The following SGCZ variants were observed in gnomAD, a reference collection of about 807,000 sequenced individuals.
SGCZ encodes the protein sarcoglycan zeta, also known as zeta-sarcoglycan.
In SGCZ, 40 loss-of-function variants were observed where a neutral mutation model predicts 41.3. The observed-to-expected ratio is 0.97, with a 90% CI of 0.75 to 1.26. The LOEUF is 1.26. Among genes scored for constraint, SGCZ ranks in the 50% most tolerant of loss-of-function variants. SGCZ has a pLI of 0.00. For synonymous variants in SGCZ, 206 were observed against 137.5 expected, an observed-to-expected ratio of 1.50 and a Z score of -3.49; for missense variants, 552 against 369.8, an observed-to-expected ratio of 1.49 and a Z score of -4.04.
intron 1 of SGCZ, among the ~76,000 whole-genome samples, chr8:15,145,617 C>G (rs1237076409): frequency 6.6e-6 from 1 of 152,130 alleles, no homozygotes; most frequent in Non-Finnish European, 1.5e-5. Flanking sequence ...CAGGTACACA[C>G]CATCTGATTT....
At chr8:14,196,187 C>T (rs2117058328) in intron 4 of SGCZ, among the ~76,000 whole-genome samples, 1 of 151,270 alleles carries the variant, frequency 6.6e-6, no homozygotes, top group Non-Finnish European at 1.5e-5. Context: ...ATATTATGAA[C>T]ATTAAAGCAA....
chr8:15,075,446 G>C (rs1040639201), intron 1 of SGCZ, among the ~76,000 whole-genome samples: 1 of 152,096 alleles, frequency 6.6e-6, no homozygotes, highest in African/African-American at 2.4e-5. Flanking sequence ...GATCACTTTT[G>C]TAAGTATCTT....
chr8:14,506,985 C>T (rs1037482551), intron 2 of SGCZ, among the ~76,000 whole-genome samples: 3 of 152,208 alleles, frequency 2.0e-5, no homozygotes, highest in Admixed American at 6.6e-5. Context: ...CTTATCTCAA[C>T]TCAAATACAT....
At position 14,680,095 on chromosome 8, in the gene SGCZ, T is replaced by C. The variant is rs114086090; in HGVS notation, c.40-125169A>G. On this transcript the variant is annotated intron_variant, in intron 1 of 7. Coordinates refer to ENST00000382080, the MANE Select transcript of SGCZ (RefSeq NM_139167.4). ...TTGTCTAAGTATGTGTTTCTCAGAA[T>C]GTATCTCCACTGTGAAGTCATGCAT... Among the ~76,000 whole-genome samples the C allele has an allele frequency of 6.0e-3, 917 of 152,238 alleles. 11 individuals are homozygous for C. Among genetic ancestry groups the C allele is most frequent in the African/African-American group, 0.019 (808 of 41,548 alleles).
chr8:14,222,145 T>C (rs2117123944), intron 4 of SGCZ, among the ~76,000 whole-genome samples: 1 of 152,174 alleles, frequency 6.6e-6, no homozygotes, highest in Middle Eastern at 3.4e-3. Flanking sequence ...TACTTCAGGT[T>C]TTTGTTGTTG....
intron 4 of SGCZ, among the ~76,000 whole-genome samples, chr8:14,192,298 T>G (rs957124400): frequency 1.9e-4 from 29 of 152,114 alleles, no homozygotes; most frequent in African/African-American, 7.0e-4. Flanking sequence ...ACTGCTGTAT[T>G]TAATGTTAAT....
At position 14,976,096 on chromosome 8, in the gene SGCZ, C is replaced by T. The variant is rs572156979; in HGVS notation, c.39+261489G>A. On this transcript the variant is annotated intron_variant, in intron 1 of 7. Transcript: ENST00000382080. ...GTAGTGCAGTGGCACGATCTTCACT[C>T]ACTGTAACCTCTGCCTCCTGGTTTC... Among the ~76,000 whole-genome samples the T allele has an allele frequency of 2.0e-5, 3 of 151,228 alleles. No homozygotes were observed. The South Asian group carries it at 6.3e-4, about 32-fold the overall frequency.
At chr8:14,516,112 T>TG (rs11389125) in intron 2 of SGCZ, among the ~76,000 whole-genome samples, 13,089 of 52,260 alleles carry the variant, frequency 0.25, 881 homozygotes, top group East Asian at 0.48. Flanking sequence ...GAAACTTCTC[T>TG]TTTTTTTTCT....
chr8:15,234,324 C>CTTTTGAATAA (rs1802053667), intron 1 of SGCZ, among the ~76,000 whole-genome samples: 5 of 152,170 alleles, frequency 3.3e-5, no homozygotes, highest in African/African-American at 1.2e-4. Flanking sequence ...TTCATTAACA[C>CTTTTGAATAA]CCACATTTCC....
In SGCZ at chr8:14,873,664, A is replaced by G. The variant is rs73517312; in HGVS notation, c.40-318738T>C. 7.9e-3 allele frequency among the ~76,000 whole-genome samples: 1,210 copies of G among 152,226 alleles called. 20 individuals are homozygous for G. Among genetic ancestry groups the G allele is most frequent in the African/African-American group, 0.027 (1,132 of 41,566 alleles). On this transcript the variant is annotated intron_variant, in intron 1 of 7. Coordinates refer to ENST00000382080, the MANE Select transcript of SGCZ (RefSeq NM_139167.4). ...CCAAGGCTTGAGTTCAGTCTCCAGCAAGAATAAAGATGAGAATAGGTCAAC... is the reference window on the plus strand; with the variant it reads ...CCAAGGCTTGAGTTCAGTCTCCAGCGAGAATAAAGATGAGAATAGGTCAAC...
chr8:14,826,521 A>G (rs1311385391), intron 1 of SGCZ, among the ~76,000 whole-genome samples: 3 of 152,120 alleles, frequency 2.0e-5, no homozygotes, highest in Non-Finnish European at 4.4e-5. Flanking sequence ...TGACTTCCAC[A>G]ATGGTTGAAC....
chr8:14,710,934 A>G (rs961722590), intron 1 of SGCZ, among the ~76,000 whole-genome samples: 1 of 152,246 alleles, frequency 6.6e-6, no homozygotes, highest in Non-Finnish European at 1.5e-5. Flanking sequence ...ACTAAGAAAT[A>G]GTCACAATAA....
chr8:14,435,049 T>C (rs538897261), intron 2 of SGCZ, among the ~76,000 whole-genome samples: 5 of 152,138 alleles, frequency 3.3e-5, no homozygotes, highest in Non-Finnish European at 7.3e-5. Context: ...CAGAATGCTA[T>C]AATTAGAATG....
chr8:14,141,641 G>A (rs1479598624), intron 5 of SGCZ, among the ~76,000 whole-genome samples: 1 of 152,172 alleles, frequency 6.6e-6, no homozygotes, highest in Non-Finnish European at 1.5e-5. Flanking sequence ...AGTTAGAATG[G>A]CGATCATTAA....
chr8:14,650,962 T>C (rs944666932), intron 1 of SGCZ, among the ~76,000 whole-genome samples: 27 of 152,080 alleles, frequency 1.8e-4, no homozygotes, highest in African/African-American at 6.3e-4. Flanking sequence ...CAGAATGTCT[T>C]ATACATTTTC....
chr8:14,356,994 T>C (rs1803319807), intron 2 of SGCZ, among the ~76,000 whole-genome samples: 1 of 152,006 alleles, frequency 6.6e-6, no homozygotes, highest in African/African-American at 2.4e-5. Context: ...TAGTAAAATA[T>C]GGGCCAACAA....
chr8:14,523,268 A>G (rs1309608229), intron 2 of SGCZ, among the ~76,000 whole-genome samples: 1 of 151,802 alleles, frequency 6.6e-6, no homozygotes, highest in Non-Finnish European at 1.5e-5. Context: ...GTTCATTCTT[A>G]CTCTTGATAT....
At chr8:14,192,027 G>C (rs927713575) in intron 4 of SGCZ, among the ~76,000 whole-genome samples, 2 of 151,922 alleles carry the variant, frequency 1.3e-5, no homozygotes, top group African/African-American at 4.8e-5. Flanking sequence ...CTATTAATAG[G>C]AGGTAATACA....
intron 1 of SGCZ, among the ~76,000 whole-genome samples, chr8:14,824,634 C>A (rs1449003417): frequency 1.3e-5 from 2 of 151,958 alleles, no homozygotes; most frequent in Non-Finnish European, 2.9e-5. Flanking sequence ...GCCTTTACAT[C>A]CTGCTTGACT....
Sources: gnomAD v4.1 joint callset for allele counts (sites outside exome capture counted in the v4.1 genomes callset) on GRCh38, gnomAD v4.1.1 for gene constraint, MANE v1.5 for transcripts, NCBI Gene and HGNC (gene_info 2026-07-23, HGNC 2026-07-21) for gene names.